PDE1A: variants seen among roughly 807,000 people sequenced by gnomAD.
The protein encoded by PDE1A is phosphodiesterase 1A, also known as dual specificity calcium/calmodulin-dependent 3',5'-cyclic nucleotide phosphodiesterase 1A.
PDE1A carries 35 observed loss-of-function variants against 61.7 expected under a neutral mutation model. That is an observed-to-expected ratio of 0.57 (90% confidence interval 0.43 to 0.75). The LOEUF is 0.75. PDE1A is among the 30% of genes least tolerant of loss of function. PDE1A has a pLI of 0.00. For missense variants in PDE1A, 597 were observed against 630.6 expected (o/e 0.95, Z 0.57); for synonymous variants, 232 against 213.2 (o/e 1.09, Z -0.77).
At chr2:182,662,878 T>G in the PDE1A span, among the ~76,000 whole-genome samples, 3 of 152,038 alleles carry the variant, frequency 2.0e-5, no homozygotes, top group Non-Finnish European at 4.4e-5. Flanking sequence ...TAAATTATCA[T>G]CAAAGTAAAC....
chr2:182,282,751 A>G (rs1204233817), intron 1 of PDE1A, among the ~76,000 whole-genome samples: 1 of 152,158 alleles, frequency 6.6e-6, no homozygotes, highest in Middle Eastern at 3.4e-3. Flanking sequence ...ATATAAATAT[A>G]TAGTCTACAT....
chr2:182,148,117 T>C (rs1282654348), intron 13 of PDE1A, among the ~76,000 whole-genome samples: 2 of 152,230 alleles, frequency 1.3e-5, no homozygotes, highest in African/African-American at 2.4e-5. Context: ...TTCCTGATCA[T>C]TCTTAGAGAA....
At chr2:182,251,045 ACTCTTGGCTTCCCACCAGGAAATC>A (rs1691360898) in intron 2 of PDE1A, among the ~76,000 whole-genome samples, 1 of 151,972 alleles carries the variant, frequency 6.6e-6, no homozygotes, top group Admixed American at 6.6e-5. Context: ...CTTGCTGATG[ACTCTTGGCTTCCCACCAGGAAATC>A]CTCTTGGCTC....
intron 2 of PDE1A, among the ~76,000 whole-genome samples, chr2:182,485,223 A>C (rs892850641): frequency 3.9e-5 from 6 of 152,114 alleles, no homozygotes; most frequent in Non-Finnish European, 8.8e-5. Flanking sequence ...AGGAACACGG[A>C]TGCAGCTGGA....
At chr2:182,383,713 G>A (rs1316963968) in intron 1 of PDE1A, among the ~76,000 whole-genome samples, 1 of 152,086 alleles carries the variant, frequency 6.6e-6, no homozygotes, top group Non-Finnish European at 1.5e-5. Context: ...CCAGGTGAGA[G>A]ATCACAGTAT....
chr2:182,419,576 T>A (rs1703144759), intron 1 of PDE1A, among the ~76,000 whole-genome samples: 1 of 152,180 alleles, frequency 6.6e-6, no homozygotes, highest in African/African-American at 2.4e-5. Context: ...ACCTCTTGGA[T>A]GTAACTGCCA....
the PDE1A span, among the ~76,000 whole-genome samples, chr2:182,616,002 T>G: frequency 6.6e-6 from 1 of 152,360 alleles, no homozygotes; most frequent in South Asian, 2.1e-4. Flanking sequence ...GAGGTCACAT[T>G]CAAACCATAG....
chr2:182,520,810 A>G (rs1690516411), intron 2 of PDE1A, among the ~76,000 whole-genome samples: 2 of 152,008 alleles, frequency 1.3e-5, no homozygotes, highest in Admixed American at 6.6e-5. Context: ...ATGTTCATCC[A>G]CTCATTAGGC....
chr2:182,435,908 G>T (rs1008265406), intron 2 of PDE1A, among the ~76,000 whole-genome samples: 3 of 151,984 alleles, frequency 2.0e-5, no homozygotes, highest in African/African-American at 7.2e-5. Flanking sequence ...GAAATGAATT[G>T]AATCAATGTC....
At chr2:182,688,067 G>C in the PDE1A span, among the ~76,000 whole-genome samples, 41 of 152,350 alleles carry the variant, frequency 2.7e-4, no homozygotes, top group African/African-American at 9.4e-4. Context: ...GTACCTGAAA[G>C]TGACAGGGAG....
rs142631892 is a variant in PDE1A at position 182,514,257 on chromosome 2, A to G, written c.101+8019T>C. Reference sequence around the variant, plus strand: ...ATTGCTAAAATATCCATACTGCCCAAAGCAATTTACAGATTCAATGTTATT... The same window carrying G: ...ATTGCTAAAATATCCATACTGCCCAGAGCAATTTACAGATTCAATGTTATT... On this transcript the variant is annotated intron_variant, in intron 2 of 14. Coordinates refer to the PDE1A transcript ENST00000410103. 4.7e-4 allele frequency among the ~76,000 whole-genome samples: 71 copies of G among 152,350 alleles called. 1 individual carries two copies. The East Asian group carries it at 0.014, about 29-fold the overall frequency.
the PDE1A span, among the ~76,000 whole-genome samples, chr2:182,538,557 A>G: frequency 1.3e-5 from 2 of 152,060 alleles, no homozygotes; most frequent in Non-Finnish European, 2.9e-5. Flanking sequence ...CTCATGCCAT[A>G]TAAGGAAAAT....
chr2:182,572,169 G>C, the PDE1A span, among the ~76,000 whole-genome samples: 1,521 of 152,272 alleles, frequency 1.0e-2, 12 homozygotes, highest in Middle Eastern at 0.034. Flanking sequence ...TGGAAGTCGG[G>C]AGAATGTCTT....
chr2:182,493,843 C>A (rs901409315), intron 2 of PDE1A, among the ~76,000 whole-genome samples: 7 of 152,158 alleles, frequency 4.6e-5, no homozygotes, highest in Non-Finnish European at 1.0e-4. Flanking sequence ...CCAAACACCA[C>A]ATGTTAGGCT....
At chr2:182,372,930 A>G (rs1299762869) in intron 1 of PDE1A, among the ~76,000 whole-genome samples, 1 of 152,234 alleles carries the variant, frequency 6.6e-6, no homozygotes, top group African/African-American at 2.4e-5. Flanking sequence ...AAGGACAGTG[A>G]TAAAGGAACA....
At chr2:182,555,876 A>G in the PDE1A span, among the ~76,000 whole-genome samples, 16 of 142,820 alleles carry the variant, frequency 1.1e-4, no homozygotes, top group African/African-American at 4.1e-4. Context: ...CTGAGGCAGG[A>G]GAATCGCTTG....
At chr2:182,295,057 C>CT (rs11420821) in intron 1 of PDE1A, among the ~76,000 whole-genome samples, 14,605 of 58,208 alleles carry the variant, frequency 0.25, 5,014 homozygotes, top group East Asian at 0.32. Context: ...AAAAGGTAAT[C>CT]TTTTTTTTTT....
At chr2:182,334,923 C>G (rs917103201) in intron 1 of PDE1A, among the ~76,000 whole-genome samples, 1 of 152,160 alleles carries the variant, frequency 6.6e-6, no homozygotes, top group Non-Finnish European at 1.5e-5. Context: ...GCAACTTCAG[C>G]AAAGTCTCAG....
Position 182,188,873 on chromosome 2 carries a change from G to A in PDE1A, c.1207+106C>T, listed in dbSNP as rs192895153. On this transcript the variant is annotated intron_variant, in intron 11 of 13. Coordinates refer to ENST00000351439, the Ensembl canonical transcript of PDE1A. ...TAAAAATCAAATATATCATGAATAT[G>A]GAGTGAGGTTTTCATGCAAGTTACC... The A allele has an allele frequency of 1.3e-5, 9 of 711,902 alleles. No homozygotes were observed. In the East Asian group the frequency reaches 2.1e-4, roughly 16 times the overall value. 44.1% of individuals were successfully genotyped at this position (711,902 alleles called of 1,614,324 possible). A position where few individuals can be genotyped will look rare whatever the true frequency, so the allele number is the denominator to read the frequency against.
Sources: gnomAD v4.1 joint callset for allele counts (sites outside exome capture counted in the v4.1 genomes callset) on GRCh38, gnomAD v4.1.1 for gene constraint, MANE v1.5 for transcripts, NCBI Gene and HGNC (gene_info 2026-07-23, HGNC 2026-07-21) for gene names.